The following NCKAP5 variants were observed in gnomAD, a reference collection of about 807,000 sequenced individuals.
NCKAP5 encodes NCK associated protein 5.
A neutral mutation model predicts 167.0 loss-of-function variants in NCKAP5; 92 were observed. The observed-to-expected ratio is 0.55, with a 90% CI of 0.47 to 0.66. NCKAP5 has a LOEUF of 0.66. Among genes scored for constraint, NCKAP5 ranks in the 30% least tolerant of loss-of-function variants. NCKAP5 has a pLI of 0.00. For missense variants in NCKAP5, 2,378 were observed against 2,315.0 expected (o/e 1.03, Z -0.56); for synonymous variants, 891 against 877.4 (o/e 1.02, Z -0.27).
At chr2:133,210,203 T>TATAATATAATATAAC (rs1159514107) in intron 5 of NCKAP5, among the ~76,000 whole-genome samples, 223 of 149,192 alleles carry the variant, frequency 1.5e-3, no homozygotes, top group African/African-American at 5.3e-3. Context: ...TATAACATAA[T>TATAATATAATATAAC]ATAATGTAAT....
At chr2:133,534,925 T>C (rs114957179) in intron 2 of NCKAP5, among the ~76,000 whole-genome samples, 2,712 of 152,314 alleles carry the variant, frequency 0.018, 89 homozygotes, top group African/African-American at 0.061. Context: ...AGTGGCTGCA[T>C]CATTTTACAT....
intron 5 of NCKAP5, among the ~76,000 whole-genome samples, chr2:133,177,874 G>T (rs764266397): frequency 6.6e-6 from 1 of 152,176 alleles, no homozygotes; most frequent in East Asian, 1.9e-4. Context: ...ACAATTCCCC[G>T]TTGGGGTGGT....
chr2:133,588,434 AATTCCTTCCCTAATTC>A, the NCKAP5 span, among the ~76,000 whole-genome samples: 1 of 85,720 alleles, frequency 1.2e-5, no homozygotes, highest in South Asian at 4.3e-4. Flanking sequence ...TTCCTTCCCT[AATTCCTTCCCTAATTC>A]ATTCCTTCCT....
intron 19 of NCKAP5, among the ~76,000 whole-genome samples, chr2:132,713,788 G>C (rs557327980): frequency 6.6e-6 from 1 of 152,116 alleles, no homozygotes; most frequent in Non-Finnish European, 1.5e-5. Context: ...TGATGCTTGT[G>C]GGGGGTTCAT....
At chr2:133,260,952 G>A (rs114148903) in intron 4 of NCKAP5, among the ~76,000 whole-genome samples, 4,147 of 152,234 alleles carry the variant, frequency 0.027, 89 homozygotes, top group Middle Eastern at 0.078. Flanking sequence ...AGAAAAAAAT[G>A]TTGGTAGTTT....
chr2:133,384,127 T>C (rs1189952102), intron 3 of NCKAP5, among the ~76,000 whole-genome samples: 2 of 152,234 alleles, frequency 1.3e-5, no homozygotes, highest in African/African-American at 2.4e-5. Flanking sequence ...ATGAAGTCCT[T>C]GCCCATGCCT....
intron 6 of NCKAP5, chr2:133,122,315 T>G (rs2082275749): frequency 6.6e-6 from 1 of 152,204 alleles, no homozygotes; most frequent in Non-Finnish European, 1.5e-5. Flanking sequence ...ACACATTTTC[T>G]TAAAGGAAAA....
chr2:132,735,541 C>G (rs1176678728), intron 16 of NCKAP5, among the ~76,000 whole-genome samples: 2 of 152,202 alleles, frequency 1.3e-5, no homozygotes, highest in African/African-American at 2.4e-5. Flanking sequence ...CCAGTTACAC[C>G]TCTTTTCTTA....
chr2:133,103,975 G>A (rs1383941728), intron 6 of NCKAP5, among the ~76,000 whole-genome samples: 2 of 142,902 alleles, frequency 1.4e-5, no homozygotes, highest in East Asian at 3.9e-4. Flanking sequence ...AATAAACTGA[G>A]GTGACTTTTT....
At chr2:132,681,071 A>G (rs1053397482) in intron 19 of NCKAP5, among the ~76,000 whole-genome samples, 2 of 152,024 alleles carry the variant, frequency 1.3e-5, no homozygotes, top group Non-Finnish European at 2.9e-5. Context: ...GCTCATTGCT[A>G]TCAGCCTGTG....
chr2:133,173,608 C>A (rs1301732588), intron 5 of NCKAP5, among the ~76,000 whole-genome samples: 2 of 152,168 alleles, frequency 1.3e-5, no homozygotes, highest in Non-Finnish European at 1.5e-5. Flanking sequence ...GTCCCCCTAA[C>A]CCTGGCTCCT....
chr2:132,861,295 CT>C (rs1316343267), intron 10 of NCKAP5, among the ~76,000 whole-genome samples: 2 of 152,044 alleles, frequency 1.3e-5, no homozygotes, highest in Admixed American at 1.3e-4. Context: ...CCACAGAGAC[CT>C]TTTCCCCAGC....
chr2:133,663,463 G>A, the NCKAP5 span, among the ~76,000 whole-genome samples: 1 of 152,262 alleles, frequency 6.6e-6, no homozygotes, highest in South Asian at 2.1e-4. Context: ...ACTTTTCATG[G>A]AAGTTTTCTC....
At chr2:133,637,476 C>CAAAAAAAAAAAAAAAAAA in the NCKAP5 span, among the ~76,000 whole-genome samples, 50 of 31,664 alleles carry the variant, frequency 1.6e-3, 1 homozygote, top group African/African-American at 6.2e-3. Context: ...TGGTATTTTC[C>CAAAAAAAAAAAAAAAAAA]AAAAAAAAAA....
At chr2:133,324,103 C>A (rs943475900) in intron 3 of NCKAP5, among the ~76,000 whole-genome samples, 1 of 152,194 alleles carries the variant, frequency 6.6e-6, no homozygotes, top group Non-Finnish European at 1.5e-5. Flanking sequence ...CAAACTACAA[C>A]CAAAGTCTGA....
chr2:133,352,323 C>A (rs567677810), intron 3 of NCKAP5, among the ~76,000 whole-genome samples: 1 of 152,334 alleles, frequency 6.6e-6, no homozygotes, highest in South Asian at 2.1e-4. Context: ...CCTTGCTGTT[C>A]CTCTAGCATC....
chr2:133,274,944 A>G (rs543720998), intron 4 of NCKAP5, among the ~76,000 whole-genome samples: 1 of 152,016 alleles, frequency 6.6e-6, no homozygotes, highest in Non-Finnish European at 1.5e-5. Flanking sequence ...ACTGTATTAA[A>G]ATTTTAAAAC....
intron 7 of NCKAP5, among the ~76,000 whole-genome samples, chr2:132,972,862 CAAA>C (rs1287407851): frequency 7.5e-5 from 7 of 92,964 alleles, no homozygotes; most frequent in Non-Finnish European, 1.2e-4. Context: ...ACTCCATCTC[CAAA>C]AAAAAAAAAA....
At chr2:133,631,654 A>T in the NCKAP5 span, among the ~76,000 whole-genome samples, 5 of 152,188 alleles carry the variant, frequency 3.3e-5, no homozygotes, top group Admixed American at 3.3e-4. Context: ...GTTGAGTTTG[A>T]TACAATAACT....
Sources: allele counts gnomAD v4.1 joint callset (sites outside exome capture counted in the v4.1 genomes callset), GRCh38; gene constraint gnomAD v4.1.1; transcripts MANE v1.5; gene names NCBI Gene and HGNC (gene_info 2026-07-23, HGNC 2026-07-21).